ENTHD1: variants seen among roughly 807,000 people sequenced by gnomAD.
ENTHD1 encodes the protein ENTH domain-containing protein 1.
A neutral mutation model predicts 39.1 loss-of-function variants in ENTHD1; 23 were observed. That is an observed-to-expected ratio of 0.59 (90% confidence interval 0.42 to 0.83). ENTHD1 has a LOEUF of 0.83. Ranked by LOEUF, ENTHD1 falls within the 40% of genes least tolerant of loss-of-function variation. ENTHD1 has a pLI of 0.00. For synonymous variants in ENTHD1, 230 were observed against 258.2 expected (o/e 0.89, Z 1.05); for missense variants, 624 against 705.4 (o/e 0.88, Z 1.31).
In ENTHD1 at chr22:39,867,064, G is replaced by A. The variant is rs919256708; in HGVS notation, c.350-5057C>T. 6.6e-6 allele frequency among the ~76,000 whole-genome samples: 1 copy of A among 152,032 alleles called. No individual in the cohort carries two copies. Among genetic ancestry groups the A allele is most frequent in the Non-Finnish European group, 1.5e-5 (1 of 68,006 alleles). ...ACTACAGGCGCCCGCCACCAGGCCCGGCTAATTTTTTTGCATTTTTAGTAG... is the reference window on the plus strand; with the variant it reads ...ACTACAGGCGCCCGCCACCAGGCCCAGCTAATTTTTTTGCATTTTTAGTAG... On this transcript the variant is annotated intron_variant, in intron 2 of 6. Transcript: ENST00000325157. This position sits in a 1 kb window ranked among gnomAD's most constrained non-coding sequence, Gnocchi z 4.5.
At chr22:39,882,312 A>C (rs2066344668) in intron 2 of ENTHD1, among the ~76,000 whole-genome samples, 1 of 152,220 alleles carries the variant, frequency 6.6e-6, no homozygotes, top group African/African-American at 2.4e-5. Context: ...ATTGAGGGAA[A>C]GAGTAGTTGG....
At chr22:39,811,204 A>C (rs1243821311) in intron 5 of ENTHD1, among the ~76,000 whole-genome samples, 1 of 152,228 alleles carries the variant, frequency 6.6e-6, no homozygotes, top group Non-Finnish European at 1.5e-5. Flanking sequence ...GCCCAACATA[A>C]GGAAAGAAAC....
intron 4 of ENTHD1, among the ~76,000 whole-genome samples, chr22:39,826,828 T>C (rs1310229298): frequency 6.7e-6 from 1 of 149,634 alleles, no homozygotes; most frequent in Admixed American, 6.7e-5. Flanking sequence ...GAACCTAAGA[T>C]GGCTCTAAAA....
chr22:39,893,502 G>A (rs2066446075), intron 1 of ENTHD1, 193 bp downstream of exon 1: 1 of 152,270 alleles, frequency 6.6e-6, no homozygotes. Context: ...AAAGCCTCTA[G>A]AAGGAGAGAG....
At chr22:39,814,888 G>C (rs1198398205) in intron 5 of ENTHD1, among the ~76,000 whole-genome samples, 2 of 151,382 alleles carry the variant, frequency 1.3e-5, no homozygotes, top group Non-Finnish European at 2.9e-5. Context: ...ACAAACCATA[G>C]AGAAAAAAAA....
intron 3 of ENTHD1, among the ~76,000 whole-genome samples, chr22:39,851,305 A>AT (rs1296947098): frequency 6.6e-6 from 1 of 152,104 alleles, no homozygotes; most frequent in Non-Finnish European, 1.5e-5. Flanking sequence ...CACTAAATAC[A>AT]TTTTTTTAGT....
intron 4 of ENTHD1, among the ~76,000 whole-genome samples, chr22:39,826,958 C>T (rs2065831264): frequency 6.6e-6 from 1 of 151,828 alleles, no homozygotes; most frequent in African/African-American, 2.4e-5. Flanking sequence ...AGCTGTCCTG[C>T]CACTTCAGCC....
Position 39,830,170 on chromosome 22 carries a change from G to A in ENTHD1, c.711+5670C>T, listed in dbSNP as rs545453678. On this transcript the variant is annotated intron_variant, in intron 4 of 6. Coordinates refer to ENST00000325157, the MANE Select transcript of ENTHD1 (RefSeq NM_152512.4). ...AGCTCACTGCAACCTCTGCCTCCCA[G>A]GTTCAAACAATTCTCCTGCCTCAGC... is the stretch of plus-strand genomic sequence containing the variant. Among the ~76,000 whole-genome samples, 32 of 152,258 alleles carry A rather than the reference G, an allele frequency of 2.1e-4. No individual in the cohort carries two copies. In the South Asian group the frequency reaches 6.6e-3, roughly 32 times the overall value.
chr22:39,805,633 C>T (rs1263493585), intron 5 of ENTHD1, among the ~76,000 whole-genome samples: 1 of 152,164 alleles, frequency 6.6e-6, no homozygotes, highest in Non-Finnish European at 1.5e-5. Flanking sequence ...ATATTTCCCC[C>T]ATCCCCAAAG....
chr22:39,748,938 C>T (rs2065127890), intron 6 of ENTHD1, among the ~76,000 whole-genome samples: 1 of 152,124 alleles, frequency 6.6e-6, no homozygotes, highest in East Asian at 1.9e-4. Flanking sequence ...TTGTAACAAG[C>T]TGCCAGGTGT....
Position 39,887,882 on chromosome 22 carries a change from A to G in ENTHD1, c.-134T>C, listed in dbSNP as rs547331040. ...TCCCAAATACAAATAATTAATCTCT[A>G]TGTTGATAAAGTATCAATTTCCTGC... On this transcript the variant is annotated 5_prime_UTR_variant, in exon 2 of 7. Coordinates refer to ENST00000325157, the MANE Select transcript of ENTHD1 (RefSeq NM_152512.4). 3.2e-4 allele frequency: 195 copies of G among 601,360 alleles called. 1 individual carries two copies. Among genetic ancestry groups the G allele is most frequent in the African/African-American group, 3.2e-3 (174 of 53,698 alleles). 37.3% of individuals were successfully genotyped at this position (601,360 alleles called of 1,614,324 possible).
intron 6 of ENTHD1, among the ~76,000 whole-genome samples, chr22:39,763,446 G>T (rs2065251262): frequency 6.6e-6 from 1 of 152,136 alleles, no homozygotes; most frequent in Admixed American, 6.5e-5. Flanking sequence ...CACCTTGAAA[G>T]CTCAAACTCC....
chr22:39,791,228 A>C (rs2065500976), intron 5 of ENTHD1, among the ~76,000 whole-genome samples: 1 of 147,952 alleles, frequency 6.8e-6, no homozygotes, highest in South Asian at 2.1e-4. Context: ...CTATATATTT[A>C]GACTATATAG....
chr22:39,848,385 C>G (rs1239691869), intron 3 of ENTHD1, among the ~76,000 whole-genome samples: 1 of 151,950 alleles, frequency 6.6e-6, no homozygotes, highest in African/African-American at 2.4e-5. Context: ...TCCAGAGTAG[C>G]TGGGATTACA....
chr22:39,847,038 T>C (rs1234060073), intron 3 of ENTHD1, among the ~76,000 whole-genome samples: 5 of 152,054 alleles, frequency 3.3e-5, no homozygotes, highest in Non-Finnish European at 7.4e-5. Context: ...GCCATCCCAT[T>C]ACTGGGTATA....
chr22:39,842,397 T>C (rs976576541), intron 3 of ENTHD1, among the ~76,000 whole-genome samples: 133 of 152,068 alleles, frequency 8.7e-4, no homozygotes, highest in African/African-American at 3.0e-3. Context: ...ATTTGGTCTT[T>C]TCACATAGTC....
At chr22:39,892,159 A>G (rs2066432208) in intron 1 of ENTHD1, among the ~76,000 whole-genome samples, 3 of 152,198 alleles carry the variant, frequency 2.0e-5, no homozygotes, top group African/African-American at 4.8e-5. Flanking sequence ...AAAACTTACC[A>G]TTCAGTTAAG....
intron 5 of ENTHD1, among the ~76,000 whole-genome samples, chr22:39,817,767 A>G (rs2065744722): frequency 6.6e-6 from 1 of 152,222 alleles, no homozygotes; most frequent in Non-Finnish European, 1.5e-5. Context: ...GTCTTCTGGG[A>G]ACATAGTGAA....
chr22:39,782,793 G>C lies in ENTHD1; in HGVS notation c.833-17184C>G, dbSNP rs557001528. ...TGGAACATACCTCAACATAATAAAGGCCATATATAAGAAACCCACAGCTAA... is the reference window on the plus strand; with the variant it reads ...TGGAACATACCTCAACATAATAAAGCCCATATATAAGAAACCCACAGCTAA... On this transcript the variant is annotated intron_variant, in intron 5 of 6. Transcript: ENST00000325157. Among the ~76,000 whole-genome samples the C allele has an allele frequency of 3.3e-5, 5 of 152,030 alleles. 1 individual carries two copies. The South Asian group carries it at 1.0e-3, about 32-fold the overall frequency.
Sources: gnomAD v4.1 joint callset for allele counts (sites outside exome capture counted in the v4.1 genomes callset) on GRCh38, gnomAD v4.1.1 for gene constraint, Gnocchi (gnomAD v3.1) non-coding constraint, MANE v1.5 for transcripts, NCBI Gene and HGNC (gene_info 2026-07-23, HGNC 2026-07-21) for gene names.